RBM19: variants seen among roughly 807,000 people sequenced by gnomAD.
RBM19 encodes the protein RNA binding motif protein 19.
RBM19 carries 94 observed loss-of-function variants against 116.8 expected under a neutral mutation model. The ratio of observed to expected loss-of-function variants is 0.80; its 90% confidence interval spans 0.68 to 0.95. The LOEUF (loss-of-function observed/expected upper bound fraction) is 0.95, where lower values mean the gene tolerates loss of function less well. Ranked by LOEUF, RBM19 falls within the 40% of genes least tolerant of loss-of-function variation. The pLI, the probability that RBM19 is intolerant of heterozygous loss-of-function variation, is 0.00. For missense variants in RBM19, 1,161 were observed against 1,220.7 expected, an observed-to-expected ratio of 0.95 and a Z score of 0.73; for synonymous variants, 475 against 494.1, an observed-to-expected ratio of 0.96 and a Z score of 0.51.
At chr12:113,869,402 C>A (rs1244942023) in intron 21 of RBM19, among the ~76,000 whole-genome samples, 1 of 152,226 alleles carries the variant, frequency 6.6e-6, no homozygotes, top group East Asian at 1.9e-4. Context: ...GCTGTGCATG[C>A]TCCTCCTCTC....
At chr12:113,828,410 G>A (rs1875068038) in intron 23 of RBM19, among the ~76,000 whole-genome samples, 1 of 152,194 alleles carries the variant, frequency 6.6e-6, no homozygotes, top group African/African-American at 2.4e-5. Flanking sequence ...GTTCCTGGAG[G>A]CTCCTGAGTT....
intron 21 of RBM19, among the ~76,000 whole-genome samples, chr12:113,895,031 ACTC>A (rs1274837470): frequency 6.6e-6 from 1 of 152,180 alleles, no homozygotes; most frequent in Non-Finnish European, 1.5e-5. Flanking sequence ...AGGGAACTTC[ACTC>A]ATCAAGGCTT....
chr12:113,882,061 C>A (rs752221753), intron 21 of RBM19, among the ~76,000 whole-genome samples: 6 of 152,246 alleles, frequency 3.9e-5, no homozygotes, highest in Non-Finnish European at 8.8e-5. Flanking sequence ...GTCACAGAGT[C>A]CTGGTGGCCC....
chr12:113,844,936 A>G, intron 22 of RBM19, 148 bp from the exon 23 acceptor site: 1 of 1,168,826 alleles, frequency 8.6e-7, no homozygotes, highest in Non-Finnish European at 1.2e-6. Context: ...GGGTTTGGGG[A>G]GCGGTTGGGC....
At chr12:113,885,023 A>G (rs1428098293) in intron 21 of RBM19, among the ~76,000 whole-genome samples, 1 of 152,238 alleles carries the variant, frequency 6.6e-6, no homozygotes, top group Non-Finnish European at 1.5e-5. Context: ...GAATGATGGA[A>G]TTACACAATC....
chr12:113,846,229 G>A (rs181177038), intron 22 of RBM19, among the ~76,000 whole-genome samples: 173 of 152,280 alleles, frequency 1.1e-3, no homozygotes, highest in African/African-American at 3.0e-3. Flanking sequence ...AGCACCAGTG[G>A]GTACAAGAAG....
At chr12:113,917,156 C>G (rs1882819833) in intron 20 of RBM19, among the ~76,000 whole-genome samples, 1 of 152,160 alleles carries the variant, frequency 6.6e-6, no homozygotes, top group African/African-American at 2.4e-5. Context: ...AGTGGGCTTG[C>G]TGTAATTTTT....
At chr12:113,964,920 T>G (rs1178319527) in intron 1 of RBM19, among the ~76,000 whole-genome samples, 1 of 151,706 alleles carries the variant, frequency 6.6e-6, no homozygotes, top group Non-Finnish European at 1.5e-5. Flanking sequence ...ACAAAGTTCC[T>G]TTGTCCCACC....
intron 21 of RBM19, among the ~76,000 whole-genome samples, chr12:113,907,121 T>C (rs143918045): frequency 1.9e-3 from 288 of 151,246 alleles, no homozygotes; most frequent in Non-Finnish European, 3.5e-3. Context: ...TGAGAATACA[T>C]GTCTGCTGTT....
intron 19 of RBM19, among the ~76,000 whole-genome samples, chr12:113,919,652 C>G (rs772225814): frequency 1.3e-5 from 2 of 152,218 alleles, no homozygotes; most frequent in African/African-American, 2.4e-5. Flanking sequence ...CTCTCCACAG[C>G]CCTAACTCCC....
At chr12:113,889,633 A>C (rs3782452) in intron 21 of RBM19, among the ~76,000 whole-genome samples, 17,064 of 150,984 alleles carry the variant, frequency 0.11, 1,240 homozygotes, top group East Asian at 0.23. Context: ...TGTCGCTGAC[A>C]TTTGTTTTTC....
In RBM19 at chr12:113,927,230, C is replaced by T; in HGVS notation, c.2069-1G>A. The T allele has an allele frequency of 3.2e-6, 5 of 1,552,706 alleles. No individual in the cohort carries two copies. Among genetic ancestry groups the T allele is most frequent in the Non-Finnish European group, 4.4e-6 (5 of 1,148,744 alleles). On this transcript the variant is annotated splice_acceptor_variant, in intron 16 of 23. Transcript: ENST00000261741. LOFTEE classifies it high-confidence loss of function. Reference sequence around the variant, plus strand: ...TCTTCTGGGGTTTCGCCATCAGGCACTGAACCCCCATCAAAACAAAAACAA... The same window carrying T: ...TCTTCTGGGGTTTCGCCATCAGGCATTGAACCCCCATCAAAACAAAAACAA...
intron 3 of RBM19, 58 bp downstream of exon 3, chr12:113,960,001 A>G: frequency 6.2e-7 from 1 of 1,614,030 alleles, no homozygotes; most frequent in Non-Finnish European, 8.5e-7. Context: ...TGGGAACCAA[A>G]AGTGAGTGAC....
intron 21 of RBM19, among the ~76,000 whole-genome samples, chr12:113,875,047 G>A (rs1219469628): frequency 2.0e-5 from 3 of 152,266 alleles, no homozygotes; most frequent in Non-Finnish European, 4.4e-5. Flanking sequence ...ACCAGGAGAT[G>A]ACAGCCAAGA....
chr12:113,898,549 C>G lies in RBM19; in HGVS notation c.2558+16420G>C. ...AATTTCAATAACACTACAATGCTAACTTTTATTTTTAAGTGATCAGGATAG... is the reference window on the plus strand; with the variant it reads ...AATTTCAATAACACTACAATGCTAAGTTTTATTTTTAAGTGATCAGGATAG... On this transcript the variant is annotated intron_variant, in intron 21 of 23. Transcript: ENST00000261741. The surrounding 1 kb of genome is among the most constrained non-coding windows in gnomAD (Gnocchi z 4.3). Among the ~76,000 whole-genome samples the G allele has an allele frequency of 6.6e-6, 1 of 152,160 alleles. No individual in the cohort carries two copies. Among genetic ancestry groups the G allele is most frequent in the Non-Finnish European group, 1.5e-5 (1 of 68,012 alleles).
At chr12:113,941,594 C>T (rs1007860846) in intron 14 of RBM19, among the ~76,000 whole-genome samples, 3 of 138,594 alleles carry the variant, frequency 2.2e-5, no homozygotes, top group Admixed American at 1.4e-4. Context: ...ACCATCCATC[C>T]ATCCATCCAT....
At chr12:113,859,607 G>A (rs925478270) in intron 21 of RBM19, among the ~76,000 whole-genome samples, 3 of 151,922 alleles carry the variant, frequency 2.0e-5, no homozygotes, top group African/African-American at 7.3e-5. Flanking sequence ...CATCCCCCCC[G>A]GTTCCCTTCT....
chr12:113,824,723 G>C (rs1874711801), intron 23 of RBM19, among the ~76,000 whole-genome samples: 2 of 152,062 alleles, frequency 1.3e-5, no homozygotes, highest in Non-Finnish European at 2.9e-5. Context: ...GTGTTCCTGG[G>C]TGAGCGATTT....
chr12:113,848,352 G>A (rs769406299), intron 22 of RBM19, among the ~76,000 whole-genome samples: 11 of 152,204 alleles, frequency 7.2e-5, no homozygotes, highest in Non-Finnish European at 1.0e-4. Flanking sequence ...AGTCCCTGCA[G>A]GTTAATATGA....
Sources: gnomAD v4.1 joint callset for allele counts (sites outside exome capture counted in the v4.1 genomes callset) on GRCh38, gnomAD v4.1.1 for gene constraint, Gnocchi (gnomAD v3.1) non-coding constraint, MANE v1.5 for transcripts, NCBI Gene and HGNC (gene_info 2026-07-23, HGNC 2026-07-21) for gene names.